The following MEGF11 variants were observed in gnomAD, a reference collection of about 807,000 sequenced individuals.
MEGF11 encodes the protein multiple epidermal growth factor-like domains protein 11.
MEGF11 carries 126 observed loss-of-function variants against 146.6 expected under a neutral mutation model. That is an observed-to-expected ratio of 0.86 (90% confidence interval 0.74 to 1.00). MEGF11 has a LOEUF of 1.00. Among genes scored for constraint, MEGF11 ranks in the 50% least tolerant of loss-of-function variants. The probability of loss-of-function intolerance (pLI) is 0.00; values close to 1 mark genes in which losing one functional copy is unlikely to be tolerated. For synonymous variants in MEGF11, 532 were observed against 583.4 expected (o/e 0.91, Z 1.27); for missense variants, 1,509 against 1,521.2 (o/e 0.99, Z 0.13).
At chr15:65,925,429 C>A (rs997340940) in intron 13 of MEGF11, among the ~76,000 whole-genome samples, 1 of 152,148 alleles carries the variant, frequency 6.6e-6, no homozygotes, top group African/African-American at 2.4e-5. Flanking sequence ...TGTCCCAAGA[C>A]CTTCTTGGAG....
chr15:66,224,507 C>T (rs2091805306), intron 1 of MEGF11, among the ~76,000 whole-genome samples: 1 of 151,516 alleles, frequency 6.6e-6, no homozygotes, highest in South Asian at 2.1e-4. Context: ...TCACTTGAAC[C>T]CGGGAGGCGG....
chr15:66,177,559 G>A (rs1293374944), intron 1 of MEGF11, among the ~76,000 whole-genome samples: 1 of 151,906 alleles, frequency 6.6e-6, no homozygotes, highest in Non-Finnish European at 1.5e-5. Context: ...AATTAGTAAC[G>A]GCTGTTTTTG....
At chr15:66,179,232 T>A (rs1456025509) in intron 1 of MEGF11, among the ~76,000 whole-genome samples, 1 of 152,176 alleles carries the variant, frequency 6.6e-6, no homozygotes, top group Non-Finnish European at 1.5e-5. Flanking sequence ...TCCCAGGTTC[T>A]AGAGAGTCTC....
intron 1 of MEGF11, among the ~76,000 whole-genome samples, chr15:66,142,126 A>T (rs1169788528): frequency 6.6e-6 from 1 of 152,208 alleles, no homozygotes; most frequent in African/African-American, 2.4e-5. Context: ...AAGGCAGAAC[A>T]GTGGTTTGTA....
chr15:66,249,561 A>G (rs187553785), intron 1 of MEGF11, among the ~76,000 whole-genome samples: 29 of 152,236 alleles, frequency 1.9e-4, no homozygotes, highest in African/African-American at 7.0e-4. Context: ...TTTTAATTCT[A>G]TGGCCTCTTG....
chr15:66,175,533 T>G (rs554091680), intron 1 of MEGF11, among the ~76,000 whole-genome samples: 110 of 152,332 alleles, frequency 7.2e-4, no homozygotes, highest in African/African-American at 2.6e-3. Context: ...TGCAGCCAAC[T>G]GATTTTCAAC....
intron 1 of MEGF11, among the ~76,000 whole-genome samples, chr15:66,141,143 A>C (rs2089128886): frequency 6.6e-6 from 1 of 151,988 alleles, no homozygotes; most frequent in Admixed American, 6.6e-5. Context: ...GGCGAAATGC[A>C]GGCTCACGTG....
intron 1 of MEGF11, among the ~76,000 whole-genome samples, chr15:66,233,929 ATTTCTTTTTTTTTTTCTT>A (rs1345975731): frequency 7.3e-6 from 1 of 137,442 alleles, no homozygotes; most frequent in Non-Finnish European, 1.6e-5. Flanking sequence ...GGACATTGTC[ATTTCTTTTTTTTTTTCTT>A]TTTCTTTTTT....
chr15:66,156,547 G>A lies in MEGF11; in HGVS notation c.-8-28136C>T, dbSNP rs370837092. Among the ~76,000 whole-genome samples, 33 of 152,066 alleles carry A rather than the reference G, an allele frequency of 2.2e-4. No homozygotes were observed. The East Asian group carries it at 2.5e-3, about 12-fold the overall frequency. ...GCCACCACTCCCTGTGTCAGGACAC[G>A]GCAGAGCCCGGCCCCCGAGAGGAGG... On this transcript the variant is annotated intron_variant, in intron 1 of 25. Coordinates refer to ENST00000395614, the MANE Select transcript of MEGF11 (RefSeq NM_001385028.1).
At chr15:66,115,027 G>A (rs2087651311) in intron 4 of MEGF11, among the ~76,000 whole-genome samples, 9 of 152,236 alleles carry the variant, frequency 5.9e-5, no homozygotes, top group Admixed American at 5.9e-4. Flanking sequence ...AGATTGCAGA[G>A]CAAGTTGGTG....
intron 1 of MEGF11, among the ~76,000 whole-genome samples, chr15:66,226,071 G>T (rs1212915757): frequency 6.6e-6 from 1 of 152,194 alleles, no homozygotes; most frequent in African/African-American, 2.4e-5. Flanking sequence ...ATGCAATTCT[G>T]AGTAGTGTGA....
chr15:66,150,823 C>CGAGAGAGAGAGAGAGA (rs66595752), intron 1 of MEGF11, among the ~76,000 whole-genome samples: 2 of 104,360 alleles, frequency 1.9e-5, no homozygotes, highest in African/African-American at 7.8e-5. Flanking sequence ...AATGCCCTGT[C>CGAGAGAGAGAGAGAGA]GAGAGAGAGA....
At chr15:66,056,125 C>T (rs904723450) in intron 5 of MEGF11, among the ~76,000 whole-genome samples, 2 of 152,126 alleles carry the variant, frequency 1.3e-5, no homozygotes, top group African/African-American at 4.8e-5. Context: ...TGTACTTTAA[C>T]GAGGCTCCCA....
intron 3 of MEGF11, 45 bp downstream of exon 3, chr15:66,123,854 G>C (rs769757066): frequency 1.3e-6 from 2 of 1,509,020 alleles, no homozygotes; most frequent in South Asian, 1.1e-5. Context: ...AGCCCTGAGA[G>C]CCCAGTGCCT....
At chr15:66,226,349 G>A (rs992366281) in intron 1 of MEGF11, among the ~76,000 whole-genome samples, 50 of 151,990 alleles carry the variant, frequency 3.3e-4, no homozygotes, top group Non-Finnish European at 5.7e-4. Flanking sequence ...CCCATTTCAA[G>A]TGATTCTCCT....
intron 5 of MEGF11, among the ~76,000 whole-genome samples, chr15:65,994,121 G>C (rs957847145): frequency 6.6e-6 from 1 of 152,238 alleles, no homozygotes; most frequent in Non-Finnish European, 1.5e-5. Flanking sequence ...TAAAAGCGGG[G>C]AGGGTGTGCA....
intron 1 of MEGF11, among the ~76,000 whole-genome samples, chr15:66,175,362 A>G (rs1423135961): frequency 6.6e-6 from 1 of 152,242 alleles, no homozygotes; most frequent in Non-Finnish European, 1.5e-5. Flanking sequence ...CTGAAGAGCC[A>G]AAACAATCCT....
At chr15:66,219,212 A>G (rs113189401) in intron 1 of MEGF11, among the ~76,000 whole-genome samples, 2,514 of 152,300 alleles carry the variant, frequency 0.017, 31 homozygotes, top group Middle Eastern at 0.027. Flanking sequence ...GAATCAATAA[A>G]TCAGAGCTCA....
intron 5 of MEGF11, among the ~76,000 whole-genome samples, chr15:66,000,833 A>C (rs1287731732): frequency 6.6e-6 from 1 of 152,242 alleles, no homozygotes; most frequent in Admixed American, 6.5e-5. Context: ...GAAAGGCCCC[A>C]GGAAGAGGTG....
Sources: allele counts gnomAD v4.1 joint callset (sites outside exome capture counted in the v4.1 genomes callset), GRCh38; gene constraint gnomAD v4.1.1; transcripts MANE v1.5; gene names NCBI Gene and HGNC (gene_info 2026-07-23, HGNC 2026-07-21).